Variants in HDAC7 observed in about 807,000 individuals in gnomAD.
The protein encoded by HDAC7 is histone deacetylase 7, also known as histone deacetylase 7A.
Under a neutral mutation model 115.5 loss-of-function variants are expected in HDAC7, and 26 were observed. The observed-to-expected ratio is 0.23, with a 90% CI of 0.16 to 0.31. HDAC7 has a LOEUF of 0.31. Among genes scored for constraint, HDAC7 ranks in the 10% least tolerant of loss-of-function variants. The pLI is 1.00. For missense variants in HDAC7, 1,068 were observed against 1,329.0 expected, an observed-to-expected ratio of 0.80 and a Z score of 3.05; for synonymous variants, 564 against 550.9, an observed-to-expected ratio of 1.02 and a Z score of -0.33.
intron 1 of HDAC7, among the ~76,000 whole-genome samples, chr12:47,810,916 T>C (rs1944635990): frequency 6.7e-6 from 1 of 149,544 alleles, no homozygotes; most frequent in Non-Finnish European, 1.5e-5. Flanking sequence ...CACCCACAAG[T>C]GCAAAAGGGA....
chr12:47,811,095 A>G lies in HDAC7; in HGVS notation c.19+8672T>C, dbSNP rs142833088. ...GGCATCTCGGATGTGAATAGCCACA[A>G]GCTGTGAATCCTGACACTCACAGGG... On this transcript the variant is annotated intron_variant, in intron 1 of 25. Transcript: ENST00000080059. Among the ~76,000 whole-genome samples, 100 of 152,282 alleles carry G rather than the reference A, an allele frequency of 6.6e-4. 1 individual carries two copies. Among genetic ancestry groups the G allele is most frequent in the African/African-American group, 2.4e-3 (99 of 41,560 alleles).
rs1020564774 is a variant in HDAC7, at chr12:47,793,392, G to T, written c.1655C>A (p.Ala552Asp). Residue 552 changes from alanine (A) to aspartate (D), a missense_variant, in exon 13 of 26, where the codon GCC (alanine) becomes GAC (aspartate). By Grantham distance (126) the Ala-to-Asp change is moderately radical. Transcript: ENST00000080059. The surrounding 1 kb of genome is among the most constrained non-coding windows in gnomAD (Gnocchi z 4.5). ...ACCTGTGGTGAAGGGCAGGGTCCTGGCAGGGGTCTCTGAGCTGGAGAGGAC... is the reference window on the plus strand; with the variant it reads ...ACCTGTGGTGAAGGGCAGGGTCCTGTCAGGGGTCTCTGAGCTGGAGAGGAC... ...ARVLSSSETP[A>D]RTLPFTTGLI... The T allele has an allele frequency of 4.5e-6, 7 of 1,552,816 alleles. No homozygotes were observed. In the African/African-American group the frequency reaches 9.5e-5, roughly 21 times the overall value.
chr12:47,814,991 G>A (rs775053061), intron 1 of HDAC7, among the ~76,000 whole-genome samples: 60 of 152,088 alleles, frequency 3.9e-4, no homozygotes, highest in Non-Finnish European at 5.7e-4. Context: ...TCTTCTCCAC[G>A]AGAGTGGAAG....
At chr12:47,785,328 C>T in intron 24 of HDAC7, 59 bp downstream of exon 24, 1 of 1,444,182 alleles carries the variant, frequency 6.9e-7, no homozygotes. Flanking sequence ...CACGGTGGGG[C>T]AGGGTACCAC....
At chr12:47,796,901 G>T in intron 7 of HDAC7, 116 bp downstream of exon 7, 1 of 1,198,992 alleles carries the variant, frequency 8.3e-7, no homozygotes, top group Non-Finnish European at 1.1e-6. Flanking sequence ...ACACCCCCAT[G>T]CAACCACGCA....
upstream of HDAC7, among the ~76,000 whole-genome samples, chr12:47,821,180 A>C (rs900728625): frequency 3.9e-5 from 6 of 152,232 alleles, no homozygotes; most frequent in African/African-American, 1.4e-4. Context: ...AAATTGAGGC[A>C]GCCCCAGAGG....
intron 19 of HDAC7, 60 bp downstream of exon 19, chr12:47,789,201 A>G: frequency 1.6e-6 from 2 of 1,272,256 alleles, no homozygotes; most frequent in Non-Finnish European, 2.3e-6. Flanking sequence ...CTCTAACATC[A>G]GGCTCAGGGC....
chr12:47,814,495 G>T (rs868847510), intron 1 of HDAC7, among the ~76,000 whole-genome samples: 1 of 152,194 alleles, frequency 6.6e-6, no homozygotes, highest in Non-Finnish European at 1.5e-5. Flanking sequence ...CTGGGGAGAT[G>T]CTGCCTCCTT....
intron 19 of HDAC7, chr12:47,788,792 T>TA (rs1439615511): frequency 6.3e-6 from 1 of 158,316 alleles, no homozygotes; most frequent in African/African-American, 2.4e-5. Flanking sequence ...TCTCATGACT[T>TA]ACGAATGACT....
rs1212456114 is a variant in HDAC7, at chr12:47,797,742, CACTGGG to C, written c.462-249_462-244del. The stretch of plus-strand genomic sequence containing the variant: ...GTGCTTGGTGCGTGGGTGAAGAGCC[CACTGGG>C]GGCTCTGTCACCTGCACTAGGAACC... On this transcript the variant is annotated intron_variant, in intron 5 of 25. Transcript: ENST00000080059. The surrounding 1 kb of genome is among the most constrained non-coding windows in gnomAD (Gnocchi z 5.5). Among the ~76,000 whole-genome samples, 2 of 152,120 alleles carry C rather than the reference CACTGGG, an allele frequency of 1.3e-5. No individual in the cohort carries two copies. Among genetic ancestry groups the C allele is most frequent in the Non-Finnish European group, 2.9e-5 (2 of 68,016 alleles).
At chr12:47,813,415 G>C (rs1425653879) in intron 1 of HDAC7, 1 of 152,640 alleles carries the variant, frequency 6.6e-6, no homozygotes, top group Non-Finnish European at 1.5e-5. Context: ...CATTCTGGGG[G>C]TTGGGGTAGA....
intron 1 of HDAC7, among the ~76,000 whole-genome samples, chr12:47,815,642 C>T (rs986623029): frequency 7.2e-5 from 11 of 152,182 alleles, no homozygotes; most frequent in African/African-American, 2.7e-4. Context: ...GAGACAGTCT[C>T]ACTCTATTGC....
intron 1 of HDAC7, among the ~76,000 whole-genome samples, chr12:47,816,832 G>T (rs1944863143): frequency 6.6e-6 from 1 of 152,124 alleles, no homozygotes; most frequent in Non-Finnish European, 1.5e-5. Flanking sequence ...GTTGCTCAGG[G>T]CCCTTCCGGG....
intron 1 of HDAC7, among the ~76,000 whole-genome samples, chr12:47,814,617 G>A (rs946576259): frequency 2.6e-5 from 4 of 152,220 alleles, no homozygotes; most frequent in Non-Finnish European, 5.9e-5. Flanking sequence ...TCCCCCTTCT[G>A]CTCTCCCCTC....
In HDAC7 at chr12:47,793,635, TC is replaced by T; in HGVS notation, c.1459-48del. On this transcript the variant is annotated intron_variant, in intron 12 of 25. Transcript: ENST00000080059. The surrounding 1 kb of genome is among the most constrained non-coding windows in gnomAD (Gnocchi z 4.5). ...GGTCTCCAGTGTTTCAGGGTCCTGC[TC>T]CCTCTACTTCTGCCTGAGGTCTTGG... 1 of 1,401,728 alleles carries T rather than the reference TC, an allele frequency of 7.1e-7. No individual in the cohort carries two copies. The allele number at this position is 1,401,728 out of a possible 1,614,324, so 86.8% of individuals were successfully genotyped here. A position where few individuals can be genotyped will look rare whatever the true frequency, so the allele number is the denominator to read the frequency against.
Position 47,809,225 on chromosome 12 carries a change from T to C in HDAC7, c.20-6951A>G, listed in dbSNP as rs140525252. On this transcript the variant is annotated intron_variant, in intron 1 of 25. Transcript: ENST00000080059. Reference sequence around the variant, plus strand: ...CCTCTGAGGTGTCACACTCATTCCCTTGCTCTCCTTGTCACCCCAGCTCCT... The same window carrying C: ...CCTCTGAGGTGTCACACTCATTCCCCTGCTCTCCTTGTCACCCCAGCTCCT... Among the ~76,000 whole-genome samples the C allele has an allele frequency of 6.6e-4, 100 of 152,214 alleles. 1 individual carries two copies. The highest frequency in any genetic ancestry group is 2.4e-3 in the African/African-American group (99 of 41,522).
chr12:47,797,895 T>TGTGTGTGA lies in HDAC7; in HGVS notation c.461+212_461+213insTCACACAC, dbSNP rs35753431. On this transcript the variant is annotated intron_variant, in intron 5 of 25. Coordinates refer to ENST00000080059, the MANE Select transcript of HDAC7 (RefSeq NM_015401.5). The surrounding 1 kb of genome is among the most constrained non-coding windows in gnomAD (Gnocchi z 5.5). ...GTGTGTGTGTGTGTGTGTGTGTGTG[T>TGTGTGTGA]GAGAAGGGCTCAGGTGGGGTGGGGA... Among the ~76,000 whole-genome samples the TGTGTGTGA allele has an allele frequency of 0.022, 3,195 of 143,336 alleles. 50 individuals carry two copies. Among genetic ancestry groups the TGTGTGTGA allele is most frequent in the Middle Eastern group, 0.039 (11 of 284 alleles). 94.0% of individuals were successfully genotyped at this position (143,336 alleles called of 152,430 possible).
chr12:47,799,295 C>A (rs1439209362), intron 2 of HDAC7, among the ~76,000 whole-genome samples: 1 of 152,164 alleles, frequency 6.6e-6, no homozygotes, highest in Admixed American at 6.5e-5. Context: ...CTACAGTGAT[C>A]TCCGATGGGC....
At position 47,795,204 on chromosome 12, in the gene HDAC7, T is replaced by C; in HGVS notation, c.1264A>G (p.Thr422Ala). The C allele has an allele frequency of 6.2e-7, 1 of 1,612,656 alleles. No homozygotes were observed. Among genetic ancestry groups the C allele is most frequent in the Non-Finnish European group, 8.5e-7 (1 of 1,179,240 alleles). ...CTCACCTTGATCACCTGGACGTGAGTTTTGAGCTGCTCCAGGCGGGGCTGC... is the reference window on the plus strand; with the variant it reads ...CTCACCTTGATCACCTGGACGTGAGCTTTGAGCTGCTCCAGGCGGGGCTGC... Reference protein sequence around the residue: ...PMQPRLEQLKTHVQVIKRSAK... With the variant: ...PMQPRLEQLKAHVQVIKRSAK... Residue 422 changes from threonine (T) to alanine (A), a missense_variant, in exon 11 of 26, where the codon ACT (threonine) becomes GCT (alanine). Around this residue, in one of 6 missense-constraint regions of HDAC7, gnomAD observed 618 missense variants for 701.5 expected, o/e 0.88. Transcript: ENST00000080059. This position sits in a 1 kb window ranked among gnomAD's most constrained non-coding sequence, Gnocchi z 4.3.
Sources: gnomAD v4.1 joint callset for allele counts (sites outside exome capture counted in the v4.1 genomes callset) on GRCh38, gnomAD v4.1.1 for gene constraint, gnomAD v4.1.1 regional missense constraint, Gnocchi (gnomAD v3.1) non-coding constraint, MANE v1.5 for transcripts, NCBI Gene and HGNC (gene_info 2026-07-23, HGNC 2026-07-21) for gene names.